TLL1: variants seen among roughly 807,000 people sequenced by gnomAD.
TLL1 encodes tolloid like 1.
In TLL1, 49 loss-of-function variants were observed where a neutral mutation model predicts 128.2. That is an observed-to-expected ratio of 0.38 (90% CI 0.30 to 0.48). The LOEUF is 0.48. TLL1 is among the 20% of genes least tolerant of loss of function. The pLI is 0.96. For missense variants in TLL1, 1,123 were observed against 1,242.0 expected (o/e 0.90, Z 1.44); for synonymous variants, 454 against 418.8 (o/e 1.08, Z -1.03).
intron 19 of TLL1, among the ~76,000 whole-genome samples, chr4:166,094,051 A>G (rs1553969791): frequency 6.6e-6 from 1 of 152,166 alleles, no homozygotes; most frequent in Non-Finnish European, 1.5e-5. Flanking sequence ...CTACATAGAC[A>G]CAGTAATAGT....
At chr4:165,982,161 A>T (rs1579579315) in intron 1 of TLL1, among the ~76,000 whole-genome samples, 1 of 152,138 alleles carries the variant, frequency 6.6e-6, no homozygotes, top group Non-Finnish European at 1.5e-5. Flanking sequence ...TAATAGTATT[A>T]ATTAATATCA....
chr4:165,878,496 G>A (rs575924099), intron 1 of TLL1, among the ~76,000 whole-genome samples: 9 of 152,076 alleles, frequency 5.9e-5, no homozygotes, highest in South Asian at 2.1e-4. Context: ...GTAGTAAGTC[G>A]TTAGTCCTTG....
rs968600207 is a variant in TLL1 at position 166,078,133 on chromosome 4, G to A, written c.2442+103G>A. Reference sequence around the variant, plus strand: ...GAGGTTTATCTAATTGAATCGAATCGTAGGCAGCTGGAAAAGATTTTTTGT... The same window carrying A: ...GAGGTTTATCTAATTGAATCGAATCATAGGCAGCTGGAAAAGATTTTTTGT... On this transcript the variant is annotated intron_variant, in intron 18 of 20. Transcript: ENST00000061240. The A allele has an allele frequency of 1.4e-5, 22 of 1,544,202 alleles. 1 individual carries two copies. Among genetic ancestry groups the A allele is most frequent in the African/African-American group, 1.2e-4 (9 of 73,396 alleles).
intron 3 of TLL1, among the ~76,000 whole-genome samples, chr4:165,993,615 C>T (rs922276416): frequency 9.9e-5 from 15 of 151,936 alleles, no homozygotes; most frequent in East Asian, 3.9e-4. Context: ...TCAAAGTATA[C>T]ACCAGTGGCA....
intron 16 of TLL1, among the ~76,000 whole-genome samples, chr4:166,072,248 A>C (rs1004856497): frequency 6.6e-5 from 10 of 152,022 alleles, no homozygotes; most frequent in African/African-American, 2.4e-4. Context: ...ATGCTATATC[A>C]GATGTGCGAA....
chr4:165,882,826 C>T (rs1007302004), intron 1 of TLL1, among the ~76,000 whole-genome samples: 1 of 151,862 alleles, frequency 6.6e-6, no homozygotes, highest in Non-Finnish European at 1.5e-5. Flanking sequence ...CCATATTGGT[C>T]AGGCTGGTCT....
intron 1 of TLL1, among the ~76,000 whole-genome samples, chr4:165,913,194 G>A (rs1275679579): frequency 6.6e-6 from 1 of 152,158 alleles, no homozygotes; most frequent in Non-Finnish European, 1.5e-5. Flanking sequence ...AAAGTCTTCT[G>A]TGAAAATGAA....
At chr4:166,051,224 CTCTT>C (rs1283486049) in intron 12 of TLL1, among the ~76,000 whole-genome samples, 3 of 151,902 alleles carry the variant, frequency 2.0e-5, no homozygotes, top group South Asian at 2.1e-4. Flanking sequence ...AAAGAAACTG[CTCTT>C]TCTCTTTTCT....
intron 1 of TLL1, among the ~76,000 whole-genome samples, chr4:165,947,292 C>A (rs1239710721): frequency 2.0e-5 from 3 of 152,088 alleles, no homozygotes; most frequent in African/African-American, 7.2e-5. Flanking sequence ...TAAGACTTCA[C>A]TGAACCTTAA....
In TLL1 at chr4:165,989,704, C is replaced by T. The variant is rs553745342; in HGVS notation, c.280+213C>T. On this transcript the variant is annotated intron_variant, in intron 2 of 20. Coordinates refer to ENST00000061240, the MANE Select transcript of TLL1 (RefSeq NM_012464.5). Reference sequence around the variant, plus strand: ...ACCAAACAGGTTGTAGTATTTGCTACATACTAGGTCTGGTTTAAGTGCTTT... The same window carrying T: ...ACCAAACAGGTTGTAGTATTTGCTATATACTAGGTCTGGTTTAAGTGCTTT... 2.7e-5 allele frequency among the ~76,000 whole-genome samples: 4 copies of T among 148,826 alleles called. No individual in the cohort carries two copies. The South Asian group carries it at 8.4e-4, about 31-fold the overall frequency.
intron 18 of TLL1, among the ~76,000 whole-genome samples, chr4:166,090,908 AGTG>A (rs1341092657): frequency 6.6e-6 from 1 of 152,094 alleles, no homozygotes; most frequent in East Asian, 1.9e-4. Context: ...ATAGCCAAAT[AGTG>A]GAATTTCATA....
At chr4:165,915,578 C>G (rs906351578) in intron 1 of TLL1, among the ~76,000 whole-genome samples, 7 of 152,114 alleles carry the variant, frequency 4.6e-5, no homozygotes. Context: ...TGTTACCAAC[C>G]AGAAAACTGA....
In TLL1 at chr4:166,039,376, G is replaced by C; in HGVS notation, c.1196G>C (p.Ser399Thr). 1 of 1,613,470 alleles carries C rather than the reference G, an allele frequency of 6.2e-7. No homozygotes were observed. The highest frequency in any genetic ancestry group is 8.5e-7 in the Non-Finnish European group (1 of 1,179,630). The change falls in exon 10 of 21, where the codon AGT becomes ACT. Residue 399 changes from serine (S) to threonine (T), a missense_variant. Transcript: ENST00000061240. ...LNFTTMDLYKSSLCWYDYIEV... is the reference protein window; with the variant it reads ...LNFTTMDLYKTSLCWYDYIEV... ...TTTACAACGATGGATCTATACAAGA[G>C]TAGTTTGTGCTGGTATGACTATATT...
chr4:165,938,780 CTTT>C (rs11383521), intron 1 of TLL1, among the ~76,000 whole-genome samples: 1 of 141,458 alleles, frequency 7.1e-6, no homozygotes, highest in Non-Finnish European at 1.6e-5. Context: ...TCCTTAAAAT[CTTT>C]TTTTTTTTTT....
In TLL1 at chr4:166,055,059, A is replaced by G; in HGVS notation, c.1525-17A>G. 1.2e-6 allele frequency: 2 copies of G among 1,603,874 alleles called. No individual in the cohort carries two copies. The highest frequency in any genetic ancestry group is 1.7e-6 in the Non-Finnish European group (2 of 1,175,026). On this transcript the variant is annotated splice_polypyrimidine_tract_variant and intron_variant, in intron 12 of 20. Coordinates refer to ENST00000061240, the MANE Select transcript of TLL1 (RefSeq NM_012464.5). ...TATCTATAAACATATATTTTCACAT[A>G]TTTTTTTCTGTTGCAGATTGAAAGA...
intron 1 of TLL1, among the ~76,000 whole-genome samples, chr4:165,988,347 C>G (rs1736479635): frequency 6.6e-6 from 1 of 152,108 alleles, no homozygotes; most frequent in African/African-American, 2.4e-5. Flanking sequence ...CAGTTGCTCA[C>G]TCCTGCAATC....
intron 5 of TLL1, among the ~76,000 whole-genome samples, chr4:166,000,237 T>C (rs1196173916): frequency 1.3e-5 from 2 of 152,224 alleles, no homozygotes; most frequent in African/African-American, 2.4e-5. Context: ...TTAGACATTT[T>C]AAAATCACAT....
At chr4:165,962,799 A>C (rs563491748) in intron 1 of TLL1, among the ~76,000 whole-genome samples, 1 of 152,146 alleles carries the variant, frequency 6.6e-6, no homozygotes, top group East Asian at 1.9e-4. Flanking sequence ...CTAAGGGAAC[A>C]AACACAGGAA....
At chr4:166,048,216 A>G (rs1270619774) in intron 12 of TLL1, among the ~76,000 whole-genome samples, 2 of 150,094 alleles carry the variant, frequency 1.3e-5, no homozygotes, top group Non-Finnish European at 3.0e-5. Flanking sequence ...AGCCTGGGCA[A>G]CAAGAGCGAA....
Sources: allele counts gnomAD v4.1 joint callset (sites outside exome capture counted in the v4.1 genomes callset), GRCh38; gene constraint gnomAD v4.1.1; transcripts MANE v1.5; gene names NCBI Gene and HGNC (gene_info 2026-07-23, HGNC 2026-07-21).